EVI5L: variants seen among roughly 807,000 people sequenced by gnomAD.
EVI5L encodes EVI5-like protein.
Under a neutral mutation model 106.1 loss-of-function variants are expected in EVI5L, and 30 were observed. The ratio of observed to expected loss-of-function variants is 0.28; its 90% confidence interval spans 0.21 to 0.38. The LOEUF (loss-of-function observed/expected upper bound fraction) is 0.38, where lower values mean the gene tolerates loss of function less well. EVI5L is among the 10% of genes least tolerant of loss of function. EVI5L has a pLI of 1.00. For synonymous variants in EVI5L, 489 were observed against 483.3 expected, an observed-to-expected ratio of 1.01 and a Z score of -0.15; for missense variants, 809 against 1,098.0, an observed-to-expected ratio of 0.74 and a Z score of 3.72.
chr19:7,849,219 C>CA, intron 4 of EVI5L, 37 bp from the exon 5 acceptor site: 1 of 1,613,740 alleles, frequency 6.2e-7, no homozygotes, highest in Non-Finnish European at 8.5e-7. Context: ...CTGTGCTGGA[C>CA]GGCGGGACCC....
At position 7,856,811 on chromosome 19, in the gene EVI5L, G is replaced by A. The variant is rs962525970; in HGVS notation, c.1201-281G>A. On this transcript the variant is annotated intron_variant, in intron 11 of 19. Coordinates refer to ENST00000538904, the MANE Select transcript of EVI5L (RefSeq NM_001159944.3). This position sits in a 1 kb window ranked among gnomAD's most constrained non-coding sequence, Gnocchi z 6.6. The stretch of plus-strand genomic sequence containing the variant: ...CGGCCCGGCTGACCCTGGAGGGTGG[G>A]ACAGTGGGTTTCCCAGCCCTGCGGC... Among the ~76,000 whole-genome samples the A allele has an allele frequency of 7.9e-5, 12 of 152,276 alleles. No individual in the cohort carries two copies. Among genetic ancestry groups the A allele is most frequent in the Admixed American group, 5.9e-4 (9 of 15,302 alleles).
chr19:7,859,663 AC>A (rs1290406593), intron 13 of EVI5L, among the ~76,000 whole-genome samples: 1 of 152,180 alleles, frequency 6.6e-6, no homozygotes, highest in Non-Finnish European at 1.5e-5. Context: ...GGCTCATCCC[AC>A]CCACTGCATG....
At position 7,846,605 on chromosome 19, in the gene EVI5L, C is replaced by T; in HGVS notation, c.63C>T (p.Cys21=). The T allele has an allele frequency of 6.2e-7, 1 of 1,613,872 alleles. No individual in the cohort carries two copies. The highest frequency in any genetic ancestry group is 8.5e-7 in the Non-Finnish European group (1 of 1,179,964). ...AGGAGGCCCTGTCGGCCCCCACCTG[C>T]TCCCCAACCTCTGACTCCGAGAACC... is the stretch of plus-strand genomic sequence containing the variant. The part of the protein sequence containing the change: ...SSQEALSAPT[C]SPTSDSENLS... Residue 21 remains cysteine (C), a synonymous_variant, in exon 2 of 20, where the codon TGC becomes TGT. Transcript: ENST00000538904.
intron 1 of EVI5L, among the ~76,000 whole-genome samples, chr19:7,844,767 C>T (rs374328648): frequency 2.6e-5 from 4 of 152,204 alleles, no homozygotes; most frequent in Admixed American, 6.5e-5. Context: ...CCTCAGCACC[C>T]GGCAGACTAG....
intron 1 of EVI5L, among the ~76,000 whole-genome samples, chr19:7,834,251 G>C (rs989915951): frequency 6.6e-6 from 1 of 152,124 alleles, no homozygotes; most frequent in South Asian, 2.1e-4. Flanking sequence ...TTGAACCTGG[G>C]AGGCAGAGCT....
chr19:7,850,296 A>G lies in EVI5L; in HGVS notation c.753+174A>G, dbSNP rs556143521. 1.3e-5 allele frequency among the ~76,000 whole-genome samples: 2 copies of G among 152,186 alleles called. No individual in the cohort carries two copies. Among genetic ancestry groups the G allele is most frequent in the East Asian group, 3.9e-4 (2 of 5,166 alleles). On this transcript the variant is annotated intron_variant, in intron 6 of 19. Transcript: ENST00000538904. The surrounding 1 kb of genome is among the most constrained non-coding windows in gnomAD (Gnocchi z 5.4). ...TCACACCTGGACGTTCCAACTCCAA[A>G]AGGCACTCCTCTTTCCATGCAGCAC...
At position 7,863,102 on chromosome 19, in the gene EVI5L, G is replaced by T. The variant is rs1568246722; in HGVS notation, c.2043+35G>T. 6 of 702,966 alleles carry T rather than the reference G, an allele frequency of 8.5e-6. No individual in the cohort carries two copies. Among genetic ancestry groups the T allele is most frequent in the Non-Finnish European group, 1.3e-5 (5 of 390,876 alleles). 43.5% of individuals were successfully genotyped at this position (702,966 alleles called of 1,614,324 possible). ...GGGGCCGGGGTCGGGGGGCGGGGGC[G>T]GGGGCAGGGCCCGGGGCAGGAGCGG... On this transcript the variant is annotated intron_variant, in intron 18 of 19. Transcript: ENST00000538904. The surrounding 1 kb of genome is among the most constrained non-coding windows in gnomAD (Gnocchi z 7.7).
Position 7,858,736 on chromosome 19 carries a change from TGG to T in EVI5L, c.1374+407_1374+408del. 1 of 204,446 alleles carries T rather than the reference TGG, an allele frequency of 4.9e-6. No individual in the cohort carries two copies. The highest frequency in any genetic ancestry group is 9.9e-6 in the Non-Finnish European group (1 of 100,570). 12.7% of individuals were successfully genotyped at this position (204,446 alleles called of 1,614,324 possible). A position where few individuals can be genotyped will look rare whatever the true frequency, so the allele number is the denominator to read the frequency against. On this transcript the variant is annotated intron_variant, in intron 13 of 19. Transcript: ENST00000538904. The surrounding 1 kb of genome is among the most constrained non-coding windows in gnomAD (Gnocchi z 5.7). ...TCCCTGGGGGGCCAGCCATGGAGAA[TGG>T]GAGCAGGGCAGTCCGGGACTGTTTG...
chr19:7,847,993 C>T, intron 3 of EVI5L, 72 bp downstream of exon 3: 1 of 1,470,300 alleles, frequency 6.8e-7, no homozygotes, highest in Non-Finnish European at 9.1e-7. Context: ...AGCCACCAGG[C>T]AGCGCCAGGG....
intron 1 of EVI5L, among the ~76,000 whole-genome samples, chr19:7,831,999 G>A (rs73923914): frequency 0.071 from 10,813 of 152,312 alleles, 401 homozygotes; most frequent in Middle Eastern, 0.12. Context: ...GAAGAGGCTC[G>A]AGTGGAACAT....
chr19:7,852,753 G>T, intron 8 of EVI5L: 6 of 289,364 alleles, frequency 2.1e-5, no homozygotes, highest in Non-Finnish European at 4.0e-5. Flanking sequence ...TCACTATGTT[G>T]CCCACACTGG....
intron 1 of EVI5L, among the ~76,000 whole-genome samples, chr19:7,838,196 C>T (rs1053463015): frequency 6.6e-6 from 1 of 151,862 alleles, no homozygotes; most frequent in Middle Eastern, 3.2e-3. Context: ...GCAACTTCCG[C>T]CTCCTGGGTT....
chr19:7,860,478 G>A, intron 13 of EVI5L, 83 bp from the exon 14 acceptor site: 2 of 1,252,438 alleles, frequency 1.6e-6, no homozygotes, highest in Non-Finnish European at 2.2e-6. Context: ...GCTCTGGGGA[G>A]GCGGGGAGAA....
rs1294483491 is a variant in EVI5L, at chr19:7,858,376, G to C, written c.1374+45G>C. ...GCTGCTGGGCGGGGCCATGACCCGC[G>C]CCCCCGCCCCCGCCCAACGGTTTTC... On this transcript the variant is annotated intron_variant, in intron 13 of 19. Coordinates refer to ENST00000538904, the MANE Select transcript of EVI5L (RefSeq NM_001159944.3). This position sits in a 1 kb window ranked among gnomAD's most constrained non-coding sequence, Gnocchi z 5.7. 6.7e-7 allele frequency: 1 copy of C among 1,495,972 alleles called. No homozygotes were observed. Among genetic ancestry groups the C allele is most frequent in the Admixed American group, 2.3e-5 (1 of 44,070 alleles). 92.7% of individuals were successfully genotyped at this position (1,495,972 alleles called of 1,614,324 possible). A position where few individuals can be genotyped will look rare whatever the true frequency, so the allele number is the denominator to read the frequency against.
rs1979955193 is a variant in EVI5L at position 7,863,445 on chromosome 19, C to G, written c.2161C>G (p.Pro721Ala). 26 of 1,551,100 alleles carry G rather than the reference C, an allele frequency of 1.7e-5. No individual in the cohort carries two copies. The highest frequency in any genetic ancestry group is 2.2e-5 in the Non-Finnish European group (25 of 1,148,876). Residue 721 changes from proline to alanine, a missense_variant, in exon 20 of 20, where the codon CCG (proline) becomes GCG (alanine). Transcript: ENST00000538904. The surrounding 1 kb of genome is among the most constrained non-coding windows in gnomAD (Gnocchi z 7.7). ...CCAGGTGCGGCTGCTGAAGGGCCCG[C>G]CGCCCTTCGAGGACCCGCTGGCTTT... ...KAEVRLLKGP[P>A]PFEDPLAFDG...
At chr19:7,862,587 C>T (rs1160622587) in intron 17 of EVI5L, 53 bp downstream of exon 17, 1 of 1,344,392 alleles carries the variant, frequency 7.4e-7, no homozygotes, top group Non-Finnish European at 9.6e-7. Context: ...CGGACGCGCC[C>T]CTACATGAGG....
intron 1 of EVI5L, among the ~76,000 whole-genome samples, chr19:7,838,816 G>A (rs1166767066): frequency 3.3e-5 from 5 of 152,050 alleles, no homozygotes; most frequent in Non-Finnish European, 5.9e-5. Flanking sequence ...CTGGAAGAAG[G>A]GAGGTTGACA....
chr19:7,861,851 C>A, intron 14 of EVI5L, 27 bp from the exon 15 acceptor site: 1 of 1,549,868 alleles, frequency 6.5e-7, no homozygotes, highest in Non-Finnish European at 8.7e-7. Context: ...GCTGCTCCCC[C>A]AGGCCCTGAC....
In EVI5L at chr19:7,864,905, C is replaced by G. The variant is rs1392023715; in HGVS notation, c.*1203C>G. ...ACACGCCCCCTACACTGCCCGCCACCATTTTGCACACTGCCTGTTCACATG... is the reference window on the plus strand; with the variant it reads ...ACACGCCCCCTACACTGCCCGCCACGATTTTGCACACTGCCTGTTCACATG... On this transcript the variant is annotated 3_prime_UTR_variant, in exon 20 of 20. Coordinates refer to ENST00000538904, the MANE Select transcript of EVI5L (RefSeq NM_001159944.3). This position sits in a 1 kb window ranked among gnomAD's most constrained non-coding sequence, Gnocchi z 4.5. 1 of 152,510 alleles carries G rather than the reference C, an allele frequency of 6.6e-6. No homozygotes were observed. Among genetic ancestry groups the G allele is most frequent in the East Asian group, 1.9e-4 (1 of 5,198 alleles). 9.4% of individuals were successfully genotyped at this position (152,510 alleles called of 1,614,324 possible).
Sources: allele counts gnomAD v4.1 joint callset (sites outside exome capture counted in the v4.1 genomes callset), GRCh38; gene constraint gnomAD v4.1.1; non-coding constraint Gnocchi (gnomAD v3.1); transcripts MANE v1.5; gene names NCBI Gene and HGNC (gene_info 2026-07-23, HGNC 2026-07-21).